ULK2: variants seen among roughly 807,000 people sequenced by gnomAD.
The protein encoded by ULK2 is serine/threonine-protein kinase ULK2.
In ULK2, 76 loss-of-function variants were observed where a neutral mutation model predicts 127.5. The ratio of observed to expected loss-of-function variants is 0.60; its 90% CI spans 0.50 to 0.72. ULK2 has a LOEUF of 0.72. ULK2 is among the 30% of genes least tolerant of loss of function. The pLI, the probability that ULK2 is intolerant of heterozygous loss-of-function variation, is 0.00. For synonymous variants in ULK2, 452 were observed against 461.9 expected (o/e 0.98, Z 0.28); for missense variants, 1,144 against 1,295.9 (o/e 0.88, Z 1.80).
intron 10 of ULK2, among the ~76,000 whole-genome samples, chr17:19,837,563 A>G (rs761841368): frequency 2.6e-5 from 4 of 152,206 alleles, no homozygotes; most frequent in Admixed American, 6.5e-5. Context: ...TAACATGTCC[A>G]ACAGAAACTC....
At chr17:19,839,976 C>T (rs2041699751) in intron 9 of ULK2, 1 of 273,028 alleles carries the variant, frequency 3.7e-6, no homozygotes, top group African/African-American at 2.2e-5. Context: ...CACACACACA[C>T]ACACACACAC....
At chr17:19,865,874 A>AT in intron 1 of ULK2, 46 bp from the exon 2 acceptor site, 1 of 1,195,130 alleles carries the variant, frequency 8.4e-7, no homozygotes, top group East Asian at 2.6e-5. Context: ...TTCCACATAA[A>AT]TAACAGAAAA....
intron 3 of ULK2, among the ~76,000 whole-genome samples, chr17:19,851,322 C>G (rs1381865450): frequency 1.0e-5 from 1 of 99,586 alleles, no homozygotes; most frequent in Non-Finnish European, 1.8e-5. Flanking sequence ...GTGAGACTTC[C>G]CCTCAAAAAA....
At chr17:19,836,121 A>G (rs1165481772) in intron 10 of ULK2, among the ~76,000 whole-genome samples, 1 of 151,002 alleles carries the variant, frequency 6.6e-6, no homozygotes, top group Non-Finnish European at 1.5e-5. Flanking sequence ...AAAAAAAAAC[A>G]AAAATTAGGC....
intron 12 of ULK2, 65 bp from the exon 13 acceptor site, chr17:19,816,985 G>C (rs1005453559): frequency 1.2e-5 from 17 of 1,463,156 alleles, no homozygotes; most frequent in Admixed American, 1.1e-4. Flanking sequence ...ATAGTGACTA[G>C]ACTAAGGAAT....
chr17:19,799,879 T>C (rs2087358822), intron 16 of ULK2, among the ~76,000 whole-genome samples: 1 of 152,222 alleles, frequency 6.6e-6, no homozygotes, highest in African/African-American at 2.4e-5. Context: ...AAAGAGTTTG[T>C]ACAAAGTGTC....
chr17:19,821,587 A>C (rs1181199807), intron 12 of ULK2, among the ~76,000 whole-genome samples: 1 of 152,192 alleles, frequency 6.6e-6, no homozygotes, highest in Non-Finnish European at 1.5e-5. Context: ...AAATCATCTT[A>C]TTTTTGGCAG....
At chr17:19,804,393 T>C (rs916170433) in intron 15 of ULK2, among the ~76,000 whole-genome samples, 2 of 152,122 alleles carry the variant, frequency 1.3e-5, no homozygotes, top group African/African-American at 4.8e-5. Flanking sequence ...CATTTTTTAA[T>C]AAGTTCTTCC....
intron 10 of ULK2, among the ~76,000 whole-genome samples, chr17:19,828,031 GTAA>G (rs1442991911): frequency 6.6e-6 from 1 of 152,078 alleles, no homozygotes; most frequent in East Asian, 1.9e-4. Context: ...GAAGCAACTT[GTAA>G]TATACAGGGA....
At chr17:19,801,961 ACT>A (rs752146706) in intron 15 of ULK2, 39 bp from the exon 16 acceptor site, 1 of 1,542,422 alleles carries the variant, frequency 6.5e-7, no homozygotes. Context: ...AGGTTCTAGA[ACT>A]CTCTTTTTAT....
chr17:19,816,965 G>C (rs756823092), intron 12 of ULK2, 45 bp from the exon 13 acceptor site: 8 of 1,555,854 alleles, frequency 5.1e-6, no homozygotes, highest in Non-Finnish European at 6.1e-6. Context: ...ATAATCAAAT[G>C]CAAGTCAGAA....
intron 12 of ULK2, among the ~76,000 whole-genome samples, chr17:19,824,474 A>AT (rs1567704107): frequency 2.7e-5 from 4 of 148,130 alleles, no homozygotes; most frequent in Non-Finnish European, 4.5e-5. Flanking sequence ...AAAAAAAAAA[A>AT]GCCTAAGAGA....
intron 20 of ULK2, among the ~76,000 whole-genome samples, chr17:19,794,799 T>G (rs1043012046): frequency 6.6e-6 from 1 of 151,302 alleles, no homozygotes; most frequent in Non-Finnish European, 1.5e-5. Flanking sequence ...TGGGAGTGTA[T>G]TACACATGTT....
chr17:19,775,936 GT>G lies in ULK2; in HGVS notation c.*412del, dbSNP rs1167904769. ...AAATATCAAACTGCCTGGATGAGGG[GT>G]GAATACATTTACCTTTACACCTCAG... On this transcript the variant is annotated 3_prime_UTR_variant, in exon 27 of 27. Transcript: ENST00000395544. The G allele has an allele frequency of 4.4e-5, 7 of 160,576 alleles. No individual in the cohort carries two copies. The East Asian group carries it at 1.3e-3, about 29-fold the overall frequency. 9.9% of individuals were successfully genotyped at this position (160,576 alleles called of 1,614,324 possible).
intron 20 of ULK2, 103 bp from the exon 21 acceptor site, chr17:19,786,189 GT>G (rs368136879): frequency 0.029 from 24,206 of 836,290 alleles, no homozygotes; most frequent in South Asian, 0.04. Flanking sequence ...GAGTCTAGTG[GT>G]TTTTTTTTTT....
intron 12 of ULK2, among the ~76,000 whole-genome samples, chr17:19,821,821 C>G (rs1597765951): frequency 1.3e-5 from 2 of 152,100 alleles, no homozygotes; most frequent in Middle Eastern, 6.8e-3. Context: ...CTCACTGTAA[C>G]CTCGAAGTCA....
At chr17:19,826,301 T>TTA (rs1312453593) in intron 10 of ULK2, 115 bp from the exon 11 acceptor site, 2 of 489,772 alleles carry the variant, frequency 4.1e-6, no homozygotes, top group East Asian at 3.7e-5. Flanking sequence ...TTTAACTTCT[T>TTA]TATATAGGCT....
intron 25 of ULK2, among the ~76,000 whole-genome samples, chr17:19,779,224 T>G (rs1417150168): frequency 6.6e-6 from 1 of 152,184 alleles, no homozygotes; most frequent in East Asian, 1.9e-4. Flanking sequence ...TCTATTATGT[T>G]AATGTGTTAG....
chr17:19,776,261 C>T lies in ULK2; in HGVS notation c.*88G>A. The T allele has an allele frequency of 4.0e-6, 5 of 1,236,212 alleles. No homozygotes were observed. The highest frequency in any genetic ancestry group is 5.5e-6 in the Non-Finnish European group (5 of 904,902). The allele number at this position is 1,236,212 out of a possible 1,614,324, so 76.6% of individuals were successfully genotyped here. On this transcript the variant is annotated 3_prime_UTR_variant, in exon 27 of 27. Coordinates refer to ENST00000395544, the MANE Select transcript of ULK2 (RefSeq NM_014683.4). ...GTCACCAGTTAAGAAGCTACAGTTT[C>T]CTGGGGATGGGGTGACAGAACTCAA...
Sources: gnomAD v4.1 joint callset for allele counts (sites outside exome capture counted in the v4.1 genomes callset) on GRCh38, gnomAD v4.1.1 for gene constraint, MANE v1.5 for transcripts, NCBI Gene and HGNC (gene_info 2026-07-23, HGNC 2026-07-21) for gene names.